TOX2: variants seen among roughly 807,000 people sequenced by gnomAD.
TOX2 encodes TOX high mobility group box family member 2, also known as granulosa cell HMG box 1.
Under a neutral mutation model 47.4 loss-of-function variants are expected in TOX2, and 15 were observed. The observed-to-expected ratio is 0.32, with a 90% CI of 0.21 to 0.49. The LOEUF (loss-of-function observed/expected upper bound fraction) is 0.49. Ranked by LOEUF, TOX2 falls within the 20% of genes least tolerant of loss-of-function variation. The pLI is 0.99. For missense variants in TOX2, 622 were observed against 673.1 expected (o/e 0.92, Z 0.84); for synonymous variants, 290 against 296.6 (o/e 0.98, Z 0.23).
chr20:43,923,363 C>G (rs984437579), intron 1 of TOX2, among the ~76,000 whole-genome samples: 2 of 152,172 alleles, frequency 1.3e-5, no homozygotes, highest in Non-Finnish European at 2.9e-5. Context: ...TTGATTTCCC[C>G]CAGTAGCCCA....
intron 2 of TOX2, among the ~76,000 whole-genome samples, chr20:43,997,310 T>G (rs2070498192): frequency 6.6e-6 from 1 of 152,292 alleles, no homozygotes; most frequent in South Asian, 2.1e-4. Context: ...TTGAAATATA[T>G]GAAGCAATAC....
Position 43,915,701 on chromosome 20 carries a change from A to C in TOX2, c.99+711A>C, listed in dbSNP as rs944982421. ...CAGCGCCGCAGCACACTAATTGGGCAGTTTACTAATTGGCCGTCACTGCCT... is the reference window on the plus strand; with the variant it reads ...CAGCGCCGCAGCACACTAATTGGGCCGTTTACTAATTGGCCGTCACTGCCT... On this transcript the variant is annotated intron_variant, in intron 1 of 8. Transcript: ENST00000341197. This position sits in a 1 kb window ranked among gnomAD's most constrained non-coding sequence, Gnocchi z 7.1. Among the ~76,000 whole-genome samples the C allele has an allele frequency of 6.6e-6, 1 of 152,242 alleles. No individual in the cohort carries two copies. Among genetic ancestry groups the C allele is most frequent in the Non-Finnish European group, 1.5e-5 (1 of 68,046 alleles).
chr20:44,020,702 C>T (rs962751185), intron 3 of TOX2, among the ~76,000 whole-genome samples: 2 of 152,180 alleles, frequency 1.3e-5, no homozygotes, highest in African/African-American at 2.4e-5. Context: ...CTGGGAGACT[C>T]GGCTGGGCCC....
rs202217962 is a variant in TOX2, at chr20:44,054,433, C to T, written c.786C>T (p.Ala262=). The change falls in exon 5 of 9, where the codon GCC becomes GCT. Residue 262 remains alanine (A), a synonymous_variant. Coordinates refer to ENST00000341197, the MANE Select transcript of TOX2 (RefSeq NM_001098797.2). ...CACTCTTCTTCAGAGACACTCAGGCCGCCATCAAGGGTCAGAACCCCAGTG... is the reference window on the plus strand; with the variant it reads ...CACTCTTCTTCAGAGACACTCAGGCTGCCATCAAGGGTCAGAACCCCAGTG... The part of the protein sequence containing the change: ...AYALFFRDTQ[A]AIKGQNPSAT... The T allele has an allele frequency of 4.6e-4, 737 of 1,613,264 alleles. No homozygotes were observed. The highest frequency in any genetic ancestry group is 5.4e-4 in the Non-Finnish European group (639 of 1,179,604).
At chr20:44,036,166 G>A (rs1480524779) in intron 3 of TOX2, among the ~76,000 whole-genome samples, 2 of 152,216 alleles carry the variant, frequency 1.3e-5, no homozygotes, top group Non-Finnish European at 2.9e-5. Flanking sequence ...GTGGTCCTGA[G>A]GGGGCCGTCG....
chr20:43,954,970 C>G (rs536279049), intron 1 of TOX2, among the ~76,000 whole-genome samples: 1 of 152,278 alleles, frequency 6.6e-6, no homozygotes, highest in East Asian at 1.9e-4. Flanking sequence ...TTGAAACTGC[C>G]TTATCTACAA....
At chr20:44,054,017 C>CTAAT (rs2071573837) in intron 4 of TOX2, among the ~76,000 whole-genome samples, 1 of 152,220 alleles carries the variant, frequency 6.6e-6, no homozygotes, top group Non-Finnish European at 1.5e-5. Flanking sequence ...ATTTAGTAAT[C>CTAAT]TAATTCCAGC....
intron 3 of TOX2, among the ~76,000 whole-genome samples, chr20:44,044,370 A>G (rs1600775792): frequency 6.6e-6 from 1 of 152,134 alleles, no homozygotes; most frequent in South Asian, 2.1e-4. Flanking sequence ...GCACATGTAT[A>G]CATATGTAAC....
chr20:43,984,865 G>C (rs1439871731), intron 2 of TOX2, among the ~76,000 whole-genome samples: 3 of 152,140 alleles, frequency 2.0e-5, no homozygotes, highest in Non-Finnish European at 4.4e-5. Context: ...GGGTGGACAC[G>C]TGATTTCAAG....
At chr20:43,932,960 C>A (rs2069275538) in intron 1 of TOX2, among the ~76,000 whole-genome samples, 1 of 152,176 alleles carries the variant, frequency 6.6e-6, no homozygotes, top group Non-Finnish European at 1.5e-5. Flanking sequence ...GTGGCAGGGG[C>A]AAAGTCCCTT....
At position 43,986,939 on chromosome 20, in the gene TOX2, C is replaced by T. The variant is rs1221793494; in HGVS notation, c.165+13507C>T. On this transcript the variant is annotated intron_variant, in intron 2 of 8. Coordinates refer to ENST00000341197, the MANE Select transcript of TOX2 (RefSeq NM_001098797.2). Reference sequence around the variant, plus strand: ...ATTAGCCAGGTGTGCTGGTACATACCTGTAGTCCCAGCTACTCGAGAGGCT... The same window carrying T: ...ATTAGCCAGGTGTGCTGGTACATACTTGTAGTCCCAGCTACTCGAGAGGCT... 2.0e-5 allele frequency among the ~76,000 whole-genome samples: 3 copies of T among 152,022 alleles called. No homozygotes were observed. In the East Asian group the frequency reaches 5.8e-4, roughly 29 times the overall value.
chr20:44,015,243 G>A (rs1011652078), intron 3 of TOX2, among the ~76,000 whole-genome samples: 1 of 152,116 alleles, frequency 6.6e-6, no homozygotes, highest in African/African-American at 2.4e-5. Flanking sequence ...TTTTTCAGAG[G>A]CATTAAGCAA....
At chr20:44,006,276 G>A (rs1378095354) in intron 2 of TOX2, among the ~76,000 whole-genome samples, 2 of 152,198 alleles carry the variant, frequency 1.3e-5, no homozygotes, top group Non-Finnish European at 2.9e-5. Flanking sequence ...GGAAACCAGA[G>A]AGGAACAGGG....
intron 1 of TOX2, chr20:43,946,111 T>C (rs2069466853): frequency 3.2e-6 from 5 of 1,584,634 alleles, no homozygotes; most frequent in South Asian, 1.1e-5. Context: ...AGATAGGTGA[T>C]GTCTGGATGG....
At chr20:43,961,993 G>C (rs577203956) in intron 1 of TOX2, among the ~76,000 whole-genome samples, 1 of 152,264 alleles carries the variant, frequency 6.6e-6, no homozygotes, top group East Asian at 1.9e-4. Flanking sequence ...CCCTCACAGC[G>C]CCAAATGAAA....
chr20:44,029,530 ACAG>A (rs2145681962), intron 3 of TOX2, among the ~76,000 whole-genome samples: 1 of 152,266 alleles, frequency 6.6e-6, no homozygotes, highest in South Asian at 2.1e-4. Context: ...TAAGGTGGAA[ACAG>A]CAGCAGCGAC....
chr20:43,973,423 A>G lies in TOX2; in HGVS notation c.156A>G (p.Ser52=). ...GTGACGGAAACCCAGAGCTCCTGTCAACCAGCCAGGTGGGTGCCTCATCCT... is the reference window on the plus strand; with the variant it reads ...GTGACGGAAACCCAGAGCTCCTGTCGACCAGCCAGGTGGGTGCCTCATCCT... ...GMSDGNPELL[S]TSQTYNGQSE... is the part of the protein sequence containing the mutation. Residue 52 remains serine (S), a synonymous_variant, in exon 2 of 9, where the codon TCA becomes TCG. Transcript: ENST00000341197. 1 of 1,614,148 alleles carries G rather than the reference A, an allele frequency of 6.2e-7. No homozygotes were observed. The highest frequency in any genetic ancestry group is 2.2e-5 in the East Asian group (1 of 44,880).
At chr20:43,954,969 C>G (rs1266407378) in intron 1 of TOX2, among the ~76,000 whole-genome samples, 1 of 152,156 alleles carries the variant, frequency 6.6e-6, no homozygotes. Context: ...CTTGAAACTG[C>G]CTTATCTACA....
At chr20:44,031,885 AGGCGCTGGTCTAG>A (rs546445937) in intron 3 of TOX2, among the ~76,000 whole-genome samples, 264 of 152,312 alleles carry the variant, frequency 1.7e-3, no homozygotes, top group African/African-American at 5.9e-3. Context: ...AGATACCAGC[AGGCGCTGGTCTAG>A]ATACCAGCAA....
Sources: allele counts gnomAD v4.1 joint callset (sites outside exome capture counted in the v4.1 genomes callset), GRCh38; gene constraint gnomAD v4.1.1; non-coding constraint Gnocchi (gnomAD v3.1); transcripts MANE v1.5; gene names NCBI Gene and HGNC (gene_info 2026-07-23, HGNC 2026-07-21).